The following APLF variants were observed in gnomAD, a reference collection of about 807,000 sequenced individuals.
APLF encodes the protein aprataxin and PNKP like factor, also known as aprataxin and PNK-like factor.
APLF carries 61 observed loss-of-function variants against 55.6 expected under a neutral mutation model. That is an observed-to-expected ratio of 1.10 (90% CI 0.89 to 1.36). The LOEUF is 1.36. Ranked by LOEUF, APLF falls within the 40% of genes most tolerant of loss-of-function variation. The pLI, the probability that APLF is intolerant of heterozygous loss-of-function variation, is 0.00. For synonymous variants in APLF, 207 were observed against 214.8 expected, an observed-to-expected ratio of 0.96 and a Z score of 0.32; for missense variants, 611 against 602.5, an observed-to-expected ratio of 1.01 and a Z score of -0.15.
rs145058120 is a variant in APLF at position 68,504,887 on chromosome 2, C to G, written c.341+1984C>G. Among the ~76,000 whole-genome samples the G allele has an allele frequency of 4.6e-5, 7 of 151,878 alleles. No homozygotes were observed. The East Asian group carries it at 7.8e-4, about 17-fold the overall frequency. The stretch of plus-strand genomic sequence containing the variant: ...TAGAAATGTAATCAATGGTTGTTTC[C>G]AAGGGGATTGACTAGTAAGAAGCTA... On this transcript the variant is annotated intron_variant, in intron 3 of 9. Coordinates refer to ENST00000303795, the MANE Select transcript of APLF (RefSeq NM_173545.3).
intron 8 of APLF, chr2:68,563,399 AAGT>A: frequency 5.2e-6 from 5 of 970,654 alleles, no homozygotes; most frequent in Non-Finnish European, 6.1e-6. Flanking sequence ...GCCTTTTCCT[AAGT>A]AGGATGTGAG....
At chr2:68,532,691 A>G (rs1218452800) in intron 6 of APLF, among the ~76,000 whole-genome samples, 2 of 152,140 alleles carry the variant, frequency 1.3e-5, no homozygotes, top group Non-Finnish European at 2.9e-5. Flanking sequence ...CAGTTCTTGT[A>G]TGTCTTTCTA....
rs1241815474 is a variant in APLF at position 68,525,748 on chromosome 2, T to A, written c.623-313T>A. 3.1e-5 allele frequency among the ~76,000 whole-genome samples: 4 copies of A among 129,306 alleles called. No individual in the cohort carries two copies. The East Asian group carries it at 8.5e-4, about 27-fold the overall frequency. 84.8% of individuals were successfully genotyped at this position (129,306 alleles called of 152,430 possible). ...CTTTTTATTTTCTTTCTTTCTTTTT[T>A]TTTTTTTTTTTTTTTTTTTAACACA... is the stretch of plus-strand genomic sequence containing the variant. On this transcript the variant is annotated intron_variant, in intron 5 of 9. Transcript: ENST00000303795.
chr2:68,522,095 A>G (rs970669590), intron 5 of APLF, among the ~76,000 whole-genome samples: 2 of 151,654 alleles, frequency 1.3e-5, no homozygotes, highest in Admixed American at 1.3e-4. Context: ...TTTTAGCTGA[A>G]CCCTATAAAC....
At chr2:68,512,991 A>T in intron 3 of APLF, 89 bp from the exon 4 acceptor site, 1 of 1,260,548 alleles carries the variant, frequency 7.9e-7, no homozygotes, top group Non-Finnish European at 1.1e-6. Flanking sequence ...GCTAAGTCTG[A>T]GTAAAGGGAC....
intron 2 of APLF, among the ~76,000 whole-genome samples, chr2:68,491,370 A>G (rs1676354048): frequency 6.6e-6 from 1 of 152,182 alleles, no homozygotes; most frequent in Admixed American, 6.5e-5. Flanking sequence ...TTGTATCCCT[A>G]GTGTTTAGCA....
chr2:68,480,780 G>A (rs1348251761), intron 1 of APLF, among the ~76,000 whole-genome samples: 4 of 152,066 alleles, frequency 2.6e-5, no homozygotes. Context: ...TTGTGTTGAG[G>A]TATGTTTCTT....
chr2:68,528,937 C>G, intron 6 of APLF: 2 of 1,522,642 alleles, frequency 1.3e-6, no homozygotes, highest in Non-Finnish European at 8.8e-7. Flanking sequence ...TACAGGGGCC[C>G]CTTTTATTGT....
At position 68,578,198 on chromosome 2, in the gene APLF, T is replaced by C. The variant is rs867860673; in HGVS notation, c.*176T>C. On this transcript the variant is annotated 3_prime_UTR_variant, in exon 10 of 10. Coordinates refer to ENST00000303795, the MANE Select transcript of APLF (RefSeq NM_173545.3). ...AAACGTCAGCCTTCAGTATAATAGA[T>C]GGAATTTTTTGTTGCCTTGCCTTTT... is the stretch of plus-strand genomic sequence containing the variant. 1.5e-5 allele frequency: 21 copies of C among 1,355,300 alleles called. No individual in the cohort carries two copies. The highest frequency in any genetic ancestry group is 4.4e-5 in the African/African-American group (3 of 68,034). The allele number at this position is 1,355,300 out of a possible 1,614,324, so 84.0% of individuals were successfully genotyped here. A position where few individuals can be genotyped will look rare whatever the true frequency, so the allele number is the denominator to read the frequency against.
chr2:68,569,748 G>A (rs532284351), intron 9 of APLF, among the ~76,000 whole-genome samples: 4 of 152,268 alleles, frequency 2.6e-5, no homozygotes, highest in African/African-American at 7.2e-5. Flanking sequence ...TTGGATACAA[G>A]AGGGATTTTT....
In APLF at chr2:68,553,502, T is replaced by C. The variant is rs542949642; in HGVS notation, c.1286+8190T>C. Among the ~76,000 whole-genome samples, 16 of 152,238 alleles carry C rather than the reference T, an allele frequency of 1.1e-4. No individual in the cohort carries two copies. The South Asian group carries it at 3.1e-3, about 30-fold the overall frequency. On this transcript the variant is annotated intron_variant, in intron 8 of 9. Transcript: ENST00000303795. ...TATATTATTTTTATTAGCTATATACTGTTTAGTGCTAGAAAATATGCCCAG... is the reference window on the plus strand; with the variant it reads ...TATATTATTTTTATTAGCTATATACCGTTTAGTGCTAGAAAATATGCCCAG...
chr2:68,543,085 C>G (rs763446021), intron 7 of APLF, among the ~76,000 whole-genome samples: 15 of 152,068 alleles, frequency 9.9e-5, no homozygotes, highest in Non-Finnish European at 1.5e-4. Context: ...TAGGAGGTAT[C>G]TAGAGTAGTT....
At chr2:68,502,993 C>A in intron 3 of APLF, 90 bp downstream of exon 3, 1 of 1,352,810 alleles carries the variant, frequency 7.4e-7, no homozygotes, top group Non-Finnish European at 1.0e-6. Flanking sequence ...CAGTAGAAAC[C>A]ATTAAACTGG....
At chr2:68,540,091 C>G (rs1318405740) in intron 7 of APLF, among the ~76,000 whole-genome samples, 2 of 151,940 alleles carry the variant, frequency 1.3e-5, no homozygotes, top group Non-Finnish European at 2.9e-5. Context: ...TTTTCTGTAC[C>G]CATCAACCCA....
At chr2:68,531,234 G>A (rs1670246661) in intron 6 of APLF, 2 of 152,162 alleles carry the variant, frequency 1.3e-5, no homozygotes, top group African/African-American at 4.8e-5. Flanking sequence ...AGATAGAGAT[G>A]GCCCCAGGAC....
chr2:68,523,300 T>C (rs1313940915), intron 5 of APLF, among the ~76,000 whole-genome samples: 1 of 151,972 alleles, frequency 6.6e-6, no homozygotes, highest in Non-Finnish European at 1.5e-5. Flanking sequence ...CAATTGATAA[T>C]ATCCACTGTT....
chr2:68,489,890 T>C (rs1291007646), intron 1 of APLF, among the ~76,000 whole-genome samples: 1 of 152,224 alleles, frequency 6.6e-6, no homozygotes, highest in Non-Finnish European at 1.5e-5. Context: ...ATTTTCTTGG[T>C]AAGAATCCCC....
Position 68,467,602 on chromosome 2 carries a change from C to T in APLF, c.-130C>T, listed in dbSNP as rs1429102938. The T allele has an allele frequency of 1.3e-5, 9 of 706,206 alleles. No homozygotes were observed. Among genetic ancestry groups the T allele is most frequent in the East Asian group, 3.4e-5 (1 of 29,302 alleles). 43.7% of individuals were successfully genotyped at this position (706,206 alleles called of 1,614,324 possible). A position where few individuals can be genotyped will look rare whatever the true frequency, so the allele number is the denominator to read the frequency against. ...CGGGCTCTGAGAGGACCGGCGCAGC[C>T]GCGGGGAGCCTTTGAGGCCCTCCCT... On this transcript the variant is annotated 5_prime_UTR_variant, in exon 1 of 10. Coordinates refer to ENST00000303795, the MANE Select transcript of APLF (RefSeq NM_173545.3).
chr2:68,519,760 T>C (rs1367070404), intron 5 of APLF, among the ~76,000 whole-genome samples: 1 of 151,658 alleles, frequency 6.6e-6, no homozygotes, highest in African/African-American at 2.4e-5. Flanking sequence ...CAATTGCGAA[T>C]TGTGCTGCTA....
Sources: gnomAD v4.1 joint callset for allele counts (sites outside exome capture counted in the v4.1 genomes callset) on GRCh38, gnomAD v4.1.1 for gene constraint, MANE v1.5 for transcripts, NCBI Gene and HGNC (gene_info 2026-07-23, HGNC 2026-07-21) for gene names.